JAG1: variants seen among roughly 807,000 people sequenced by gnomAD.
JAG1 encodes protein jagged-1.
In JAG1, 23 loss-of-function variants were observed where a neutral mutation model predicts 148.7. That is an observed-to-expected ratio of 0.15 (90% CI 0.11 to 0.22). JAG1 has a LOEUF of 0.22. Ranked by LOEUF, JAG1 falls within the 10% of genes least tolerant of loss-of-function variation. The probability of loss-of-function intolerance (pLI) is 1.00; values close to 1 mark genes in which losing one functional copy is unlikely to be tolerated. For synonymous variants in JAG1, 572 were observed against 598.3 expected (o/e 0.96, Z 0.64); for missense variants, 1,054 against 1,611.2 (o/e 0.65, Z 5.92).
chr20:10,641,221 G>A lies in JAG1; in HGVS notation c.2940C>T (p.Cys980=). 1 of 1,613,958 alleles carries A rather than the reference G, an allele frequency of 6.2e-7. No homozygotes were observed. ...MSPGLTTEHI[C]SELRNLNILK... ...AAATATTCAAATTCCTCAATTCACT[G>A]CAAATGTGCTCCGTAGTAAGACCCT... Residue 980 remains cysteine (C), a synonymous_variant, in exon 24 of 26, where the codon TGC becomes TGT. Coordinates refer to ENST00000254958, the MANE Select transcript of JAG1 (RefSeq NM_000214.3).
chr20:10,647,382 C>G (rs1212752769), intron 13 of JAG1: 1 of 516,290 alleles, frequency 1.9e-6, no homozygotes, highest in Non-Finnish European at 3.5e-6. Flanking sequence ...GACATCTACC[C>G]AATTTGGTAA....
rs2067303217 is a variant in JAG1 at position 10,645,550 on chromosome 20, G to C, written c.2000-81C>G. 1 of 1,053,636 alleles carries C rather than the reference G, an allele frequency of 9.5e-7. No homozygotes were observed. 65.3% of individuals were successfully genotyped at this position (1,053,636 alleles called of 1,614,324 possible). ...AGGCGAGAGCCAAGCCTTTCCTACT[G>C]CTTACATCCAACATCCTATTCTGAG... On this transcript the variant is annotated intron_variant, in intron 15 of 25. Coordinates refer to ENST00000254958, the MANE Select transcript of JAG1 (RefSeq NM_000214.3). This position sits in a 1 kb window ranked among gnomAD's most constrained non-coding sequence, Gnocchi z 6.1.
At chr20:10,670,185 G>C (rs2067486225) in intron 2 of JAG1, among the ~76,000 whole-genome samples, 1 of 152,132 alleles carries the variant, frequency 6.6e-6, no homozygotes, top group South Asian at 2.1e-4. Context: ...GTCCTCTCTA[G>C]AACATGAACA....
At position 10,641,618 on chromosome 20, in the gene JAG1, T is replaced by A. The variant is rs1252730791; in HGVS notation, c.2758A>T (p.Ile920Phe). 69 of 1,614,078 alleles carry A rather than the reference T, an allele frequency of 4.3e-5. No individual in the cohort carries two copies. The highest frequency in any genetic ancestry group is 5.8e-5 in the Non-Finnish European group (69 of 1,180,030). ...ECPSGQSCIPILDDQCFVHPC... is the reference protein window; with the variant it reads ...ECPSGQSCIPFLDDQCFVHPC... ...TGGACGAAGCACTGGTCGTCCAGGA[T>A]GGGGATGCAGCTCTGCCCGCTGGGG... is the stretch of plus-strand genomic sequence containing the variant. Residue 920 changes from isoleucine (I) to phenylalanine (F), a missense_variant, in exon 23 of 26, where the codon ATC becomes TTC. Ile to Phe is a conservative substitution (Grantham distance 21). Around this residue, in one of 6 missense-constraint regions of JAG1, gnomAD observed 342 missense variants for 514.6 expected, o/e 0.66. Transcript: ENST00000254958.
At chr20:10,657,307 C>T (rs1192365845) in intron 4 of JAG1, among the ~76,000 whole-genome samples, 3 of 149,324 alleles carry the variant, frequency 2.0e-5, no homozygotes, top group African/African-American at 7.4e-5. Flanking sequence ...CTCCAGTGAG[C>T]CATGATTGTG....
chr20:10,655,837 A>G (rs777315128), intron 5 of JAG1, among the ~76,000 whole-genome samples: 15 of 152,234 alleles, frequency 9.9e-5, no homozygotes, highest in Non-Finnish European at 1.0e-4. Flanking sequence ...TTCCTGGACC[A>G]TAAAGGAACA....
At chr20:10,647,210 G>T in intron 13 of JAG1, 107 bp from the exon 14 acceptor site, 1 of 1,322,730 alleles carries the variant, frequency 7.6e-7, no homozygotes, top group Non-Finnish European at 1.1e-6. Flanking sequence ...GGGACCCTCT[G>T]GCTAATGAGA....
chr20:10,666,514 G>C (rs897550256), intron 2 of JAG1, among the ~76,000 whole-genome samples: 1 of 152,182 alleles, frequency 6.6e-6, no homozygotes, highest in Non-Finnish European at 1.5e-5. Context: ...TCAAACTTAA[G>C]TTTATACAGC....
chr20:10,654,646 T>C (rs1240253276), intron 5 of JAG1, among the ~76,000 whole-genome samples: 1 of 152,088 alleles, frequency 6.6e-6, no homozygotes, highest in African/African-American at 2.4e-5. Context: ...AGCGTGAAGG[T>C]TCTGTTTTGA....
In JAG1 at chr20:10,639,597, G is replaced by A. The variant is rs1476387143; in HGVS notation, c.3558C>T (p.Pro1186=). 3 of 1,614,076 alleles carry A rather than the reference G, an allele frequency of 1.9e-6. No homozygotes were observed. The highest frequency in any genetic ancestry group is 2.2e-5 in the South Asian group (2 of 91,094). Residue 1186 remains proline (P), a synonymous_variant, in exon 26 of 26, where the codon CCC becomes CCT. Coordinates refer to ENST00000254958, the MANE Select transcript of JAG1 (RefSeq NM_000214.3). ...YTLVDREEKP[P]NGTPTKHPNW... ...TTGGGTGTTTTGTCGGCGTGCCGTT[G>A]GGGGGCTTCTCTTCTCTGTCTACCA...
intron 2 of JAG1, among the ~76,000 whole-genome samples, chr20:10,665,021 C>G (rs1387552860): frequency 6.6e-6 from 1 of 152,162 alleles, no homozygotes; most frequent in Non-Finnish European, 1.5e-5. Flanking sequence ...GTACTCAAGG[C>G]AGGTGGGGTA....
At chr20:10,664,599 G>A (rs1426254229) in intron 2 of JAG1, among the ~76,000 whole-genome samples, 2 of 152,138 alleles carry the variant, frequency 1.3e-5, no homozygotes, top group African/African-American at 2.4e-5. Context: ...TAGGAAACAG[G>A]AGGGGGTAGA....
intron 7 of JAG1, 28 bp downstream of exon 7, chr20:10,652,103 G>A (rs759923984): frequency 4.3e-6 from 7 of 1,612,846 alleles, no homozygotes; most frequent in Non-Finnish European, 5.9e-6. Flanking sequence ...ATTAGACAAA[G>A]GGCTCTCATT....
chr20:10,658,423 C>T, intron 4 of JAG1, 45 bp downstream of exon 4: 2 of 1,609,864 alleles, frequency 1.2e-6, no homozygotes, highest in Non-Finnish European at 1.7e-6. Flanking sequence ...TAAATGGACA[C>T]TAAAAGCAAC....
chr20:10,651,545 T>A (rs1913934054), intron 8 of JAG1, 36 bp downstream of exon 8: 2 of 1,404,148 alleles, frequency 1.4e-6, no homozygotes, highest in Non-Finnish European at 1.0e-6. Context: ...GGCACAAGGA[T>A]CCTTAGAATG....
chr20:10,662,499 G>A (rs942114152), intron 3 of JAG1: 2 of 152,292 alleles, frequency 1.3e-5, no homozygotes, highest in African/African-American at 4.8e-5. Flanking sequence ...CGGGTGGATT[G>A]TTTCAATAGC....
chr20:10,660,487 C>T (rs1021155773), intron 3 of JAG1, among the ~76,000 whole-genome samples: 1 of 152,226 alleles, frequency 6.6e-6, no homozygotes, highest in African/African-American at 2.4e-5. Flanking sequence ...ACACACTAGC[C>T]ATGGCTTAAA....
intron 10 of JAG1, 23 bp downstream of exon 10, chr20:10,649,499 A>T: frequency 6.7e-7 from 1 of 1,488,860 alleles, no homozygotes; most frequent in Non-Finnish European, 9.4e-7. Context: ...CATGAAAATC[A>T]AAATGGAAAC....
intron 14 of JAG1, 75 bp downstream of exon 14, chr20:10,646,864 G>T: frequency 7.0e-7 from 1 of 1,435,856 alleles, no homozygotes; most frequent in Non-Finnish European, 9.8e-7. Flanking sequence ...ATGATCCCAG[G>T]GTGGGCCAGG....
Sources: allele counts gnomAD v4.1 joint callset (sites outside exome capture counted in the v4.1 genomes callset), GRCh38; gene constraint gnomAD v4.1.1; regional missense constraint gnomAD v4.1.1; non-coding constraint Gnocchi (gnomAD v3.1); transcripts MANE v1.5; gene names NCBI Gene and HGNC (gene_info 2026-07-23, HGNC 2026-07-21).